The following MPDZ variants were observed in gnomAD, a reference collection of about 807,000 sequenced individuals.
The protein encoded by MPDZ is multiple PDZ domain protein.
MPDZ carries 234 observed loss-of-function variants against 239.1 expected under a neutral mutation model. That is an observed-to-expected ratio of 0.98 (90% CI 0.88 to 1.09). The LOEUF is 1.09. Ranked by LOEUF, MPDZ falls within the 50% of genes least tolerant of loss-of-function variation. MPDZ has a pLI of 0.00. For missense variants in MPDZ, 3,175 were observed against 2,510.0 expected, an observed-to-expected ratio of 1.26 and a Z score of -5.66; for synonymous variants, 1,048 against 881.3, an observed-to-expected ratio of 1.19 and a Z score of -3.35.
chr9:13,132,646 G>A (rs542731189), intron 32 of MPDZ, among the ~76,000 whole-genome samples: 1 of 152,136 alleles, frequency 6.6e-6, no homozygotes, highest in South Asian at 2.1e-4. Context: ...ATTTGTATAT[G>A]TGTGCCAGGT....
At chr9:13,214,995 T>G (rs1471650852) in intron 10 of MPDZ, among the ~76,000 whole-genome samples, 1 of 151,924 alleles carries the variant, frequency 6.6e-6, no homozygotes, top group African/African-American at 2.4e-5. Context: ...AACACAATAT[T>G]TACCATCTTA....
intron 19 of MPDZ, among the ~76,000 whole-genome samples, chr9:13,181,005 G>C (rs1004923620): frequency 1.3e-5 from 2 of 152,152 alleles, no homozygotes. Flanking sequence ...TGTGCTGTAG[G>C]TGATTAGCAC....
chr9:13,227,254 A>G (rs1376003628), intron 3 of MPDZ, among the ~76,000 whole-genome samples: 4 of 152,154 alleles, frequency 2.6e-5, no homozygotes, highest in Non-Finnish European at 5.9e-5. Flanking sequence ...ATCACAGATG[A>G]AAAAGAGATC....
At chr9:13,213,689 T>C (rs986555184) in intron 10 of MPDZ, among the ~76,000 whole-genome samples, 3 of 152,110 alleles carry the variant, frequency 2.0e-5, no homozygotes, top group Non-Finnish European at 4.4e-5. Context: ...TCAAGTGATT[T>C]TATTGAAAGC....
At chr9:13,200,445 T>C (rs764289817) in intron 12 of MPDZ, among the ~76,000 whole-genome samples, 1 of 152,030 alleles carries the variant, frequency 6.6e-6, no homozygotes, top group Non-Finnish European at 1.5e-5. Flanking sequence ...TCTGCTACAA[T>C]TATTCTTTCT....
intron 21 of MPDZ, among the ~76,000 whole-genome samples, chr9:13,168,838 C>T (rs1260451712): frequency 6.6e-6 from 1 of 152,086 alleles, no homozygotes; most frequent in East Asian, 1.9e-4. Context: ...GATGTGCTGA[C>T]CCCTTGAATA....
At chr9:13,178,589 T>C (rs1042727718) in intron 19 of MPDZ, among the ~76,000 whole-genome samples, 3 of 152,214 alleles carry the variant, frequency 2.0e-5, no homozygotes, top group Non-Finnish European at 4.4e-5. Flanking sequence ...TTCCTATTTA[T>C]GAAGAGATCA....
intron 3 of MPDZ, among the ~76,000 whole-genome samples, chr9:13,233,800 T>G (rs975488886): frequency 2.0e-5 from 3 of 152,122 alleles, no homozygotes; most frequent in African/African-American, 7.2e-5. Context: ...AACTATGAAT[T>G]TAAAGTTCAT....
intron 23 of MPDZ, among the ~76,000 whole-genome samples, chr9:13,159,608 A>G (rs1587371771): frequency 6.6e-6 from 1 of 152,124 alleles, no homozygotes; most frequent in Admixed American, 6.6e-5. Flanking sequence ...CAGTCCTTAA[A>G]ATATTCAGTG....
chr9:13,268,054 C>T (rs1044580983), intron 1 of MPDZ, among the ~76,000 whole-genome samples: 1 of 151,996 alleles, frequency 6.6e-6, no homozygotes, highest in Non-Finnish European at 1.5e-5. Context: ...TGGGAAGAAG[C>T]ATGGAAGCAT....
intron 3 of MPDZ, among the ~76,000 whole-genome samples, chr9:13,237,767 A>C (rs995184359): frequency 6.6e-6 from 1 of 152,204 alleles, no homozygotes; most frequent in African/African-American, 2.4e-5. Flanking sequence ...TGTATCTGCC[A>C]CCTTGAGCTT....
chr9:13,162,941 G>A (rs188361177), intron 22 of MPDZ, 146 bp from the exon 23 acceptor site: 51 of 553,540 alleles, frequency 9.2e-5, no homozygotes, highest in African/African-American at 7.4e-4. Context: ...ATATTCAGCA[G>A]AGAATCCAAA....
chr9:13,239,328 A>T (rs1419287510), intron 3 of MPDZ, among the ~76,000 whole-genome samples: 1 of 152,180 alleles, frequency 6.6e-6, no homozygotes, highest in Non-Finnish European at 1.5e-5. Context: ...TCTGGAGTCC[A>T]GCCTGCCTGG....
In MPDZ at chr9:13,133,838, G is replaced by A; in HGVS notation, c.4450C>T (p.Leu1484=). 1 of 1,602,656 alleles carries A rather than the reference G, an allele frequency of 6.2e-7. No individual in the cohort carries two copies. The highest frequency in any genetic ancestry group is 2.2e-5 in the East Asian group (1 of 44,536). ...AGCAGATTTACCTTGGGAAGCTCCA[G>A]ATGTTGCACATTTTTAAATGAACTG... ...DLSSFKNVQH[L]ELPKDQGGLG... is the part of the protein sequence containing the mutation. The change falls in exon 32 of 47, where the codon CTG becomes TTG. Residue 1484 remains leucine, a synonymous_variant. Coordinates refer to ENST00000319217, the MANE Select transcript of MPDZ (RefSeq NM_001378778.1).
chr9:13,232,950 C>T (rs543649542), intron 3 of MPDZ, among the ~76,000 whole-genome samples: 1 of 149,576 alleles, frequency 6.7e-6, no homozygotes, highest in South Asian at 2.1e-4. Context: ...AGCATCATTA[C>T]TCATCAGGAA....
At chr9:13,237,342 T>C (rs1455998651) in intron 3 of MPDZ, among the ~76,000 whole-genome samples, 3 of 148,000 alleles carry the variant, frequency 2.0e-5, no homozygotes, top group South Asian at 2.1e-4. Flanking sequence ...GAGGCTGAGG[T>C]TGGAGGGTCA....
chr9:13,228,596 C>T (rs1961383179), intron 3 of MPDZ, among the ~76,000 whole-genome samples: 1 of 152,070 alleles, frequency 6.6e-6, no homozygotes, highest in South Asian at 2.1e-4. Context: ...ATCTTGCTTA[C>T]CATAGCATAA....
intron 24 of MPDZ, among the ~76,000 whole-genome samples, chr9:13,154,074 G>T (rs1267993699): frequency 6.6e-6 from 1 of 152,128 alleles, no homozygotes; most frequent in African/African-American, 2.4e-5. Context: ...GACACAGAGA[G>T]GTTAAGTAAC....
chr9:13,135,982 A>C, intron 31 of MPDZ, 110 bp downstream of exon 31: 1 of 724,738 alleles, frequency 1.4e-6, no homozygotes, highest in Non-Finnish European at 2.3e-6. Context: ...CAAGGCTATA[A>C]CTTATCTACC....
Sources: allele counts gnomAD v4.1 joint callset (sites outside exome capture counted in the v4.1 genomes callset), GRCh38; gene constraint gnomAD v4.1.1; transcripts MANE v1.5; gene names NCBI Gene and HGNC (gene_info 2026-07-23, HGNC 2026-07-21).